Variants in GRIP1 observed in about 807,000 individuals in gnomAD.
GRIP1 encodes glutamate receptor interacting protein 1, also known as glutamate receptor-interacting protein 1.
Under a neutral mutation model 129.9 loss-of-function variants are expected in GRIP1, and 45 were observed. The ratio of observed to expected loss-of-function variants is 0.35; its 90% CI spans 0.27 to 0.44. The LOEUF is 0.44. Ranked by LOEUF, GRIP1 falls within the 20% of genes least tolerant of loss-of-function variation. The pLI is 1.00. For missense variants in GRIP1, 1,196 were observed against 1,396.8 expected (o/e 0.86, Z 2.29); for synonymous variants, 530 against 520.8 (o/e 1.02, Z -0.24).
chr12:66,449,938 T>C (rs752764617), intron 11 of GRIP1, among the ~76,000 whole-genome samples: 6 of 152,118 alleles, frequency 3.9e-5, no homozygotes, highest in Non-Finnish European at 8.8e-5. Flanking sequence ...ATACAGATTA[T>C]CGGACTACTT....
chr12:67,027,558 A>G (rs1298422067), intron 1 of GRIP1, among the ~76,000 whole-genome samples: 2 of 152,232 alleles, frequency 1.3e-5, no homozygotes, highest in Non-Finnish European at 2.9e-5. Context: ...CTAATAGGCG[A>G]GACAAATACT....
intron 7 of GRIP1, among the ~76,000 whole-genome samples, chr12:66,477,589 G>A (rs2059657723): frequency 6.6e-6 from 1 of 152,062 alleles, no homozygotes; most frequent in South Asian, 2.1e-4. Flanking sequence ...TAAGCCAAAA[G>A]AACAAAGCTG....
At chr12:66,538,601 T>C (rs922784789) in intron 4 of GRIP1, among the ~76,000 whole-genome samples, 1 of 152,090 alleles carries the variant, frequency 6.6e-6, no homozygotes, top group South Asian at 2.1e-4. Context: ...TTTATTAATG[T>C]TGTGTGTGTT....
intron 2 of GRIP1, among the ~76,000 whole-genome samples, chr12:66,588,988 T>A (rs200057795): frequency 9.6e-5 from 14 of 145,766 alleles, no homozygotes; most frequent in Non-Finnish European, 1.6e-4. Context: ...AAAAAAAAAA[T>A]TAAATAAATA....
intron 1 of GRIP1, among the ~76,000 whole-genome samples, chr12:66,725,666 C>T (rs2036232178): frequency 6.6e-6 from 1 of 152,064 alleles, no homozygotes; most frequent in Non-Finnish European, 1.5e-5. Flanking sequence ...CAGCGTTTCT[C>T]AAACTTTTGA....
At chr12:67,030,477 C>T (rs967983602) in intron 1 of GRIP1, among the ~76,000 whole-genome samples, 1 of 152,174 alleles carries the variant, frequency 6.6e-6, no homozygotes, top group African/African-American at 2.4e-5. Flanking sequence ...AGCCACTTAA[C>T]ACGGCTTTTT....
intron 1 of GRIP1, among the ~76,000 whole-genome samples, chr12:66,995,862 A>G (rs115912160): frequency 6.6e-6 from 1 of 152,202 alleles, no homozygotes; most frequent in Non-Finnish European, 1.5e-5. Flanking sequence ...TCCACATAAA[A>G]TCTCATACAT....
At chr12:66,787,745 T>TG (rs1227069092) in intron 1 of GRIP1, among the ~76,000 whole-genome samples, 2 of 152,134 alleles carry the variant, frequency 1.3e-5, no homozygotes, top group African/African-American at 4.8e-5. Context: ...TCCAGAACTA[T>TG]GAGAAATACA....
intron 1 of GRIP1, among the ~76,000 whole-genome samples, chr12:66,778,596 A>G (rs545136909): frequency 6.6e-6 from 1 of 152,154 alleles, no homozygotes. Context: ...GTTTTTCTGC[A>G]TGTTTGTGTA....
intron 16 of GRIP1, among the ~76,000 whole-genome samples, chr12:66,397,199 T>TA (rs140760738): frequency 0.045 from 6,573 of 146,082 alleles, 494 homozygotes; most frequent in African/African-American, 0.15. Context: ...GGGATTCTAA[T>TA]AAAACCAACT....
chr12:66,382,838 A>G (rs1044640742), intron 19 of GRIP1, among the ~76,000 whole-genome samples: 1 of 152,238 alleles, frequency 6.6e-6, no homozygotes, highest in African/African-American at 2.4e-5. Flanking sequence ...AGTGAGTTCT[A>G]GTAGCATGTG....
intron 8 of GRIP1, among the ~76,000 whole-genome samples, chr12:66,464,211 C>T (rs552807146): frequency 6.6e-6 from 1 of 152,314 alleles, no homozygotes; most frequent in East Asian, 1.9e-4. Flanking sequence ...AACATAATTC[C>T]ACATTTTTTG....
intron 1 of GRIP1, among the ~76,000 whole-genome samples, chr12:66,908,693 G>A (rs1335735930): frequency 6.6e-6 from 1 of 152,150 alleles, no homozygotes; most frequent in Non-Finnish European, 1.5e-5. Flanking sequence ...CTAGACCAGA[G>A]GGAAAAAATG....
intron 1 of GRIP1, among the ~76,000 whole-genome samples, chr12:66,827,932 T>C (rs907660691): frequency 6.6e-6 from 1 of 152,206 alleles, no homozygotes. Flanking sequence ...TAGTGCTTCA[T>C]TGGTGGTTGG....
At chr12:66,643,573 T>C (rs1480008438) in intron 1 of GRIP1, among the ~76,000 whole-genome samples, 1 of 152,112 alleles carries the variant, frequency 6.6e-6, no homozygotes, top group Non-Finnish European at 1.5e-5. Context: ...AGAATTATGA[T>C]TGGTTTTGGT....
chr12:66,606,904 C>T (rs1592638264), intron 1 of GRIP1, among the ~76,000 whole-genome samples: 1 of 151,956 alleles, frequency 6.6e-6, no homozygotes, highest in Non-Finnish European at 1.5e-5. Flanking sequence ...ACCCTGGAAG[C>T]AACAAGCAAA....
chr12:66,552,183 C>G (rs1230872221), intron 2 of GRIP1, among the ~76,000 whole-genome samples: 2 of 152,124 alleles, frequency 1.3e-5, no homozygotes, highest in Non-Finnish European at 2.9e-5. Flanking sequence ...CTTGAGGTTC[C>G]ATTGTGCCTG....
intron 1 of GRIP1, among the ~76,000 whole-genome samples, chr12:66,904,642 C>T (rs950270364): frequency 6.6e-6 from 1 of 152,140 alleles, no homozygotes; most frequent in African/African-American, 2.4e-5. Context: ...CCTGCAATCC[C>T]AGCATTTTGG....
chr12:66,584,771 A>C (rs73323181), intron 2 of GRIP1, among the ~76,000 whole-genome samples: 37,357 of 151,768 alleles, frequency 0.25, 4,727 homozygotes, highest in Admixed American at 0.28. Flanking sequence ...GCAGGGTAAT[A>C]CTCTGACAGT....
Sources: gnomAD v4.1 joint callset for allele counts (sites outside exome capture counted in the v4.1 genomes callset) on GRCh38, gnomAD v4.1.1 for gene constraint, MANE v1.5 for transcripts, NCBI Gene and HGNC (gene_info 2026-07-23, HGNC 2026-07-21) for gene names.